TACR3: variants seen among roughly 807,000 people sequenced by gnomAD.
The protein encoded by TACR3 is tachykinin receptor 3.
Under a neutral mutation model 35.0 loss-of-function variants are expected in TACR3, and 34 were observed. The observed-to-expected ratio is 0.97, with a 90% CI of 0.74 to 1.30. The LOEUF is 1.30. TACR3 is among the 50% of genes most tolerant of loss of function. The probability of loss-of-function intolerance (pLI) is 0.00; values close to 1 mark genes in which losing one functional copy is unlikely to be tolerated. For synonymous variants in TACR3, 233 were observed against 221.1 expected (o/e 1.05, Z -0.48); for missense variants, 558 against 591.7 (o/e 0.94, Z 0.59).
chr4:103,718,990 C>T, intron 1 of TACR3, 138 bp downstream of exon 1: 19 of 1,231,906 alleles, frequency 1.5e-5, no homozygotes, highest in Non-Finnish European at 2.2e-5. Context: ...GGGTTAGTGT[C>T]CTCCTTTCAG....
At chr4:103,660,858 T>C (rs1257351729) in intron 1 of TACR3, among the ~76,000 whole-genome samples, 2 of 151,936 alleles carry the variant, frequency 1.3e-5, no homozygotes, top group African/African-American at 4.8e-5. Flanking sequence ...AATAAAAAAA[T>C]TGATTGTTAA....
At chr4:103,693,085 C>T (rs1722440443) in intron 1 of TACR3, among the ~76,000 whole-genome samples, 1 of 152,184 alleles carries the variant, frequency 6.6e-6, no homozygotes, top group South Asian at 2.1e-4. Context: ...TATCCTGGTT[C>T]ATTTTTCATT....
intron 1 of TACR3, among the ~76,000 whole-genome samples, chr4:103,695,709 C>CTGTG (rs1337438362): frequency 2.8e-4 from 39 of 139,292 alleles, no homozygotes; most frequent in African/African-American, 8.9e-4. Context: ...ATGTCTCTCT[C>CTGTG]TCTGTGTGTG....
At position 103,706,139 on chromosome 4, in the gene TACR3, A is replaced by G. The variant is rs1370410891; in HGVS notation, c.548+12989T>C. Among the ~76,000 whole-genome samples the G allele has an allele frequency of 1.3e-5, 2 of 152,130 alleles. 1 individual carries two copies. The highest frequency in any genetic ancestry group is 2.9e-5 in the Non-Finnish European group (2 of 68,002). ...GTGAGTTATTTGAACAACTGGATGA[A>G]TGCTTGCACTTTTTATTGAAACACT... On this transcript the variant is annotated intron_variant, in intron 1 of 4. Transcript: ENST00000304883.
At chr4:103,682,542 A>G (rs1237723654) in intron 1 of TACR3, among the ~76,000 whole-genome samples, 2 of 152,082 alleles carry the variant, frequency 1.3e-5, no homozygotes, top group Non-Finnish European at 2.9e-5. Flanking sequence ...CCATGATTCA[A>G]TCACCTCCTA....
intron 3 of TACR3, among the ~76,000 whole-genome samples, chr4:103,650,216 G>T (rs1725558272): frequency 6.6e-6 from 1 of 151,760 alleles, no homozygotes; most frequent in Non-Finnish European, 1.5e-5. Context: ...TGAGCCACCT[G>T]GAGCTGGGTG....
chr4:103,613,846 C>T (rs1560806972), intron 3 of TACR3, among the ~76,000 whole-genome samples: 1 of 150,776 alleles, frequency 6.6e-6, no homozygotes, highest in African/African-American at 2.4e-5. Flanking sequence ...CACATTACCT[C>T]TTTTTTTTTG....
At chr4:103,620,702 A>G (rs530865196) in intron 3 of TACR3, among the ~76,000 whole-genome samples, 209 of 152,300 alleles carry the variant, frequency 1.4e-3, no homozygotes, top group African/African-American at 4.7e-3. Flanking sequence ...CATTGAGCAC[A>G]CATGGACATA....
intron 3 of TACR3, among the ~76,000 whole-genome samples, chr4:103,651,741 T>C (rs548386329): frequency 6.6e-6 from 1 of 151,994 alleles, no homozygotes; most frequent in Non-Finnish European, 1.5e-5. Flanking sequence ...CCAAGGCCCA[T>C]GGTGTACTAC....
intron 1 of TACR3, among the ~76,000 whole-genome samples, chr4:103,659,578 C>T (rs995400185): frequency 2.0e-5 from 3 of 152,118 alleles, no homozygotes. Flanking sequence ...TGTTATACCT[C>T]ATATTGAATT....
At chr4:103,663,956 G>T (rs1403773011) in intron 1 of TACR3, among the ~76,000 whole-genome samples, 1 of 152,104 alleles carries the variant, frequency 6.6e-6, no homozygotes, top group African/African-American at 2.4e-5. Flanking sequence ...CTTTTCCAAG[G>T]ATTTTTGCTG....
chr4:103,674,010 G>A (rs914763731), intron 1 of TACR3, among the ~76,000 whole-genome samples: 11 of 152,054 alleles, frequency 7.2e-5, no homozygotes, highest in Admixed American at 2.0e-4. Flanking sequence ...AGTGGCAAAC[G>A]GTGGCTTAAA....
chr4:103,675,638 C>T (rs17033985), intron 1 of TACR3, among the ~76,000 whole-genome samples: 23,420 of 152,004 alleles, frequency 0.15, 2,353 homozygotes, highest in East Asian at 0.43. Flanking sequence ...ATATGAAGCT[C>T]TAGGAGATGA....
At chr4:103,690,538 A>G (rs1295136503) in intron 1 of TACR3, among the ~76,000 whole-genome samples, 6 of 152,110 alleles carry the variant, frequency 3.9e-5, no homozygotes, top group Non-Finnish European at 7.4e-5. Flanking sequence ...ATTCAATAAG[A>G]ATAGTTATAG....
intron 1 of TACR3, among the ~76,000 whole-genome samples, chr4:103,691,926 G>A (rs1229897001): frequency 6.6e-6 from 1 of 152,120 alleles, no homozygotes. Context: ...CTGGCTTGCT[G>A]TTAATAAATA....
intron 3 of TACR3, among the ~76,000 whole-genome samples, chr4:103,642,167 GTTAA>G (rs1307801698): frequency 2.0e-5 from 3 of 151,206 alleles, no homozygotes; most frequent in African/African-American, 7.3e-5. Context: ...TGATGGATAT[GTTAA>G]TTAGCTTGAT....
intron 1 of TACR3, among the ~76,000 whole-genome samples, chr4:103,658,934 C>T (rs1725783947): frequency 6.6e-6 from 1 of 152,084 alleles, no homozygotes; most frequent in Non-Finnish European, 1.5e-5. Flanking sequence ...GCTTGTTTTC[C>T]TGCAACTAGA....
Position 103,629,343 on chromosome 4 carries a change from C to A in TACR3, c.888+26851G>T, listed in dbSNP as rs537252166. Among the ~76,000 whole-genome samples the A allele has an allele frequency of 1.3e-4, 20 of 152,058 alleles. No individual in the cohort carries two copies. In the South Asian group the frequency reaches 4.2e-3, roughly 32 times the overall value. On this transcript the variant is annotated intron_variant, in intron 3 of 4. Transcript: ENST00000304883. ...GGTATTCAATTAGGAAAAGAGGAAG[C>A]CAAATTGTCCCTGTTTTCAGATGAC... is the stretch of plus-strand genomic sequence containing the variant.
intron 3 of TACR3, among the ~76,000 whole-genome samples, chr4:103,643,325 A>C (rs1190587251): frequency 6.6e-6 from 1 of 151,754 alleles, no homozygotes; most frequent in Non-Finnish European, 1.5e-5. Flanking sequence ...ATTGGACAGC[A>C]CTGTTCTAGA....
Sources: gnomAD v4.1 joint callset for allele counts (sites outside exome capture counted in the v4.1 genomes callset) on GRCh38, gnomAD v4.1.1 for gene constraint, MANE v1.5 for transcripts, NCBI Gene and HGNC (gene_info 2026-07-23, HGNC 2026-07-21) for gene names.